Variants in WWOX observed in about 807,000 individuals in gnomAD.
WWOX encodes the protein WW domain containing oxidoreductase, also known as WW domain-containing oxidoreductase.
WWOX carries 69 observed loss-of-function variants against 46.2 expected under a neutral mutation model. The observed-to-expected ratio is 1.49, with a 90% CI of 1.23 to 1.82. WWOX has a LOEUF of 1.82. Ranked by LOEUF, WWOX falls within the 40% of genes most tolerant of loss-of-function variation. The pLI is 0.00. For missense variants in WWOX, 919 were observed against 542.6 expected, an observed-to-expected ratio of 1.69 and a Z score of -6.89; for synonymous variants, 359 against 202.6, an observed-to-expected ratio of 1.77 and a Z score of -6.56.
At chr16:79,127,097 T>C (rs1597397704) in intron 8 of WWOX, among the ~76,000 whole-genome samples, 1 of 152,090 alleles carries the variant, frequency 6.6e-6, no homozygotes, top group East Asian at 1.9e-4. Context: ...GGTAATACTT[T>C]TATATGGTTC....
intron 5 of WWOX, among the ~76,000 whole-genome samples, chr16:78,384,096 C>T (rs1859414670): frequency 6.6e-6 from 1 of 152,094 alleles, no homozygotes; most frequent in African/African-American, 2.4e-5. Context: ...GAATGTTCTT[C>T]CTGTTTTATG....
chr16:78,824,565 A>T (rs922357024), intron 8 of WWOX, among the ~76,000 whole-genome samples: 1 of 152,032 alleles, frequency 6.6e-6, no homozygotes, highest in Non-Finnish European at 1.5e-5. Context: ...GTTTAATTGG[A>T]CTTACAGTTC....
intron 5 of WWOX, among the ~76,000 whole-genome samples, chr16:78,374,527 A>ATTTTTTTTTTTTTTTTTTTTTTTT (rs541225697): frequency 9.9e-5 from 7 of 70,904 alleles, no homozygotes; most frequent in East Asian, 4.0e-4. Flanking sequence ...TCTGTCTTGA[A>ATTTTTTTTTTTTTTTTTTTTTTTT]TTTTTTTTTT....
chr16:78,311,732 T>G (rs940647308), intron 5 of WWOX, among the ~76,000 whole-genome samples: 19 of 152,162 alleles, frequency 1.2e-4, no homozygotes, highest in African/African-American at 4.6e-4. Flanking sequence ...AATATTTTTT[T>G]GAAGGAAGAA....
chr16:79,168,343 A>C (rs1300398250), intron 8 of WWOX, among the ~76,000 whole-genome samples: 1 of 152,168 alleles, frequency 6.6e-6, no homozygotes, highest in Admixed American at 6.5e-5. Context: ...ATTTTACAGA[A>C]AATCTCTGCT....
At chr16:79,045,286 G>T (rs970869342) in intron 8 of WWOX, among the ~76,000 whole-genome samples, 1 of 152,314 alleles carries the variant, frequency 6.6e-6, no homozygotes, top group African/African-American at 2.4e-5. Flanking sequence ...GGGATTCAGT[G>T]ATAGCTCATG....
At chr16:78,976,680 C>G (rs1448023584) in intron 8 of WWOX, among the ~76,000 whole-genome samples, 1 of 152,122 alleles carries the variant, frequency 6.6e-6, no homozygotes, top group African/African-American at 2.4e-5. Flanking sequence ...TAAAATAATC[C>G]AAAGAGAAAA....
In WWOX at chr16:79,194,690, T is replaced by C. The variant is rs574668824; in HGVS notation, c.1057-16918T>C. Among the ~76,000 whole-genome samples the C allele has an allele frequency of 3.3e-5, 5 of 152,334 alleles. No homozygotes were observed. In the East Asian group the frequency reaches 9.6e-4, roughly 29 times the overall value. ...CCTTTCTGTTCTACAGCCCCCGCTC[T>C]GCTGAGTCAGGAGGTGCTACTTTCT... On this transcript the variant is annotated intron_variant, in intron 8 of 8. Coordinates refer to ENST00000566780, the MANE Select transcript of WWOX (RefSeq NM_016373.4).
chr16:78,432,641 G>A lies in WWOX; in HGVS notation c.945G>A (p.Gly315=), dbSNP rs1232491002. The change falls in exon 8 of 9, where the codon GGG becomes GGA. Residue 315 remains glycine, a synonymous_variant. Transcript: ENST00000566780. ...NELHRRLSPR[G]VTSNAVHPGN... Reference sequence around the variant, plus strand: ...TGCACCGTCGCCTCTCCCCACGCGGGGTCACGTCGAACGCAGTGCATCCTG... The same window carrying A: ...TGCACCGTCGCCTCTCCCCACGCGGAGTCACGTCGAACGCAGTGCATCCTG... 2 of 1,614,004 alleles carry A rather than the reference G, an allele frequency of 1.2e-6. No homozygotes were observed. Among genetic ancestry groups the A allele is most frequent in the East Asian group, 2.2e-5 (1 of 44,892 alleles).
chr16:78,726,752 G>A (rs945874547), intron 8 of WWOX, among the ~76,000 whole-genome samples: 1 of 151,878 alleles, frequency 6.6e-6, no homozygotes, highest in Admixed American at 6.6e-5. Flanking sequence ...GGGATGCTGT[G>A]GTTGAATTTC....
chr16:78,647,356 C>A (rs778782893), intron 8 of WWOX, among the ~76,000 whole-genome samples: 1 of 152,158 alleles, frequency 6.6e-6, no homozygotes, highest in Non-Finnish European at 1.5e-5. Flanking sequence ...GTTTAGCCCT[C>A]CTTCCACCTG....
intron 8 of WWOX, among the ~76,000 whole-genome samples, chr16:79,066,458 T>C (rs1260163951): frequency 6.6e-6 from 1 of 151,406 alleles, no homozygotes; most frequent in African/African-American, 2.4e-5. Flanking sequence ...GAGCTCAACA[T>C]AGGATCTGTG....
intron 6 of WWOX, among the ~76,000 whole-genome samples, chr16:78,397,295 T>C (rs987519679): frequency 2.0e-5 from 3 of 152,006 alleles, no homozygotes; most frequent in African/African-American, 7.2e-5. Flanking sequence ...ATGATGATAA[T>C]AATTGCTAAT....
intron 8 of WWOX, among the ~76,000 whole-genome samples, chr16:78,823,590 A>G (rs114617735): frequency 0.01 from 1,561 of 152,240 alleles, 32 homozygotes; most frequent in African/African-American, 0.036. Context: ...CTTCATCTGA[A>G]GTTTAATGGA....
intron 5 of WWOX, among the ~76,000 whole-genome samples, chr16:78,288,037 C>G (rs1567479376): frequency 6.6e-6 from 1 of 152,044 alleles, no homozygotes; most frequent in East Asian, 1.9e-4. Context: ...ACATTTTTTT[C>G]TTTAATTTAG....
chr16:78,771,752 A>G (rs983404759), intron 8 of WWOX, among the ~76,000 whole-genome samples: 43 of 149,376 alleles, frequency 2.9e-4, no homozygotes, highest in African/African-American at 9.4e-4. Context: ...AGCTTGGGCA[A>G]CAGAGTAAGA....
intron 8 of WWOX, among the ~76,000 whole-genome samples, chr16:79,052,191 C>G (rs1425865768): frequency 2.2e-5 from 3 of 137,860 alleles, no homozygotes; most frequent in Admixed American, 7.3e-5. Context: ...CCTCCCCCTT[C>G]CCCCCACCCC....
At chr16:78,609,233 G>A (rs1219961578) in intron 8 of WWOX, among the ~76,000 whole-genome samples, 1 of 152,056 alleles carries the variant, frequency 6.6e-6, no homozygotes, top group Non-Finnish European at 1.5e-5. Context: ...ACAGGTTTTT[G>A]GTGTTTGCAT....
At position 78,689,420 on chromosome 16, in the gene WWOX, C is replaced by G. The variant is rs1449874748; in HGVS notation, c.1056+256668C>G. On this transcript the variant is annotated intron_variant, in intron 8 of 8. Coordinates refer to ENST00000566780, the MANE Select transcript of WWOX (RefSeq NM_016373.4). ...GGGCAACTTCTGTCTTCCCTTTTCC[C>G]TCTGGCAAAGAATCCTTGACCAAAC... Among the ~76,000 whole-genome samples the G allele has an allele frequency of 3.9e-5, 6 of 152,326 alleles. No homozygotes were observed. In the South Asian group the frequency reaches 1.0e-3, roughly 26 times the overall value.
Sources: allele counts gnomAD v4.1 joint callset (sites outside exome capture counted in the v4.1 genomes callset), GRCh38; gene constraint gnomAD v4.1.1; transcripts MANE v1.5; gene names NCBI Gene and HGNC (gene_info 2026-07-23, HGNC 2026-07-21).